The following G6PD variants were observed in gnomAD, a reference collection of about 807,000 sequenced individuals.
G6PD encodes glucose-6-phosphate dehydrogenase.
G6PD carries 2 observed loss-of-function variants against 38.2 expected under a neutral mutation model. That is an observed-to-expected ratio of 0.05 (90% CI 0.02 to 0.16). The LOEUF (loss-of-function observed/expected upper bound fraction) is 0.16, where lower values mean the gene tolerates loss of function less well. G6PD is among the 10% of genes least tolerant of loss of function. The pLI is 1.00. For missense variants in G6PD, 310 were observed against 471.6 expected (o/e 0.66, Z 3.17); for synonymous variants, 188 against 196.0 (o/e 0.96, Z 0.34).
rs1450931099 is a variant in G6PD, at chrX:154,531,868, CGGGCCAGGGTGGCCAGAGCCCG to C, written c.*110_*131del. 9.6e-6 allele frequency: 10 copies of C among 1,040,603 alleles called. No individual in the cohort carries two copies. The African/African-American group carries it at 1.9e-4, about 20-fold the overall frequency. The allele number at this position is 1,040,603 out of a possible 1,213,427, so 85.8% of individuals were successfully genotyped here. On this transcript the variant is annotated 3_prime_UTR_variant, in exon 13 of 13. Transcript: ENST00000393562. Reference sequence around the variant, plus strand: ...CTCGGGTAGTAGCAGCAGCGAGGGGCGGGCCAGGGTGGCCAGAGCCCGGGGCCAGGAATGTGCAGCTGAGGTC... The same window carrying C: ...CTCGGGTAGTAGCAGCAGCGAGGGGCGGGCCAGGAATGTGCAGCTGAGGTC...
intron 2 of G6PD, among the ~76,000 whole-genome samples, chrX:154,543,462 C>G (rs1416907688): frequency 8.9e-6 from 1 of 112,267 alleles, no homozygotes; most frequent in Non-Finnish European, 1.9e-5. Flanking sequence ...CCAACTCACA[C>G]AGCAAGCTTG....
At chrX:154,545,646 T>A (rs1206667315) in intron 2 of G6PD, 1 of 186,021 alleles carries the variant, frequency 5.4e-6, no homozygotes, top group Admixed American at 7.5e-5. Context: ...ACCAGCCTGG[T>A]CAACATGGTG....
chrX:154,545,184 A>G (rs1557232902), intron 2 of G6PD, among the ~76,000 whole-genome samples: 1 of 111,169 alleles, frequency 9.0e-6, no homozygotes, highest in Non-Finnish European at 1.9e-5. Flanking sequence ...TCCTCATGCT[A>G]TACTATTCTT....
intron 2 of G6PD, among the ~76,000 whole-genome samples, chrX:154,540,252 C>T (rs782735069): frequency 1.4e-3 from 154 of 108,832 alleles, no homozygotes; most frequent in African/African-American, 4.9e-3. Context: ...GGGTGGATCA[C>T]GAGGTCAGGA....
chrX:154,533,500 A>G, intron 8 of G6PD, 76 bp downstream of exon 8: 1 of 1,151,332 alleles, frequency 8.7e-7, no homozygotes, highest in South Asian at 1.9e-5. Flanking sequence ...CTCTGCATGC[A>G]CACCCCAGCT....
At chrX:154,547,345 T>C (rs924794304), upstream of G6PD, 219 of 754,135 alleles carry the variant, frequency 2.9e-4, no homozygotes, top group South Asian at 4.0e-4. Context: ...CAGTCTCTTC[T>C]TGATTCCTCC....
At chrX:154,544,061 C>T (rs981164590) in intron 2 of G6PD, among the ~76,000 whole-genome samples, 2 of 110,165 alleles carry the variant, frequency 1.8e-5, no homozygotes, top group African/African-American at 3.3e-5. Context: ...CGGGATTTCA[C>T]CATGTTAGCC....
chrX:154,540,653 A>AC (rs1209294150), intron 2 of G6PD, among the ~76,000 whole-genome samples: 3 of 108,117 alleles, frequency 2.8e-5, no homozygotes, highest in Middle Eastern at 4.7e-3. Context: ...AAAAAAAAAA[A>AC]AAACACATGC....
Position 154,531,745 on chromosome X carries a change from GGAGT to G in G6PD, c.*251_*254del, listed in dbSNP as rs2070337528. 1 of 437,001 alleles carries G rather than the reference GGAGT, an allele frequency of 2.3e-6. No individual in the cohort carries two copies. The highest frequency in any genetic ancestry group is 4.1e-5 in the Admixed American group (1 of 24,267). The allele number at this position is 437,001 out of a possible 1,213,427, so 36.0% of individuals were successfully genotyped here. A position where few individuals can be genotyped will look rare whatever the true frequency, so the allele number is the denominator to read the frequency against. ...CCCTCCTCCTTCCTTCTGTTGGGCT[GGAGT>G]GAGTGGAGGAGGTGACTCAGCTCCT... is the stretch of plus-strand genomic sequence containing the variant. On this transcript the variant is annotated 3_prime_UTR_variant, in exon 13 of 13. Coordinates refer to ENST00000393562, the MANE Select transcript of G6PD (RefSeq NM_001360016.2).
chrX:154,546,748 G>A (rs1379012913), intron 1 of G6PD, 41 bp downstream of exon 1: 3 of 1,072,590 alleles, frequency 2.8e-6, no homozygotes, highest in Non-Finnish European at 2.5e-6. Context: ...GCGCGGGACA[G>A]TACGCTCCTC....
chrX:154,534,959 C>CA, intron 5 of G6PD: 1 of 463,675 alleles, frequency 2.2e-6, no homozygotes, highest in Non-Finnish European at 3.8e-6. Context: ...GCAAGGCTGC[C>CA]ACCCTGCGGC....
rs1424729958 is a variant in G6PD, at chrX:154,546,259, G to A, written c.-8-96C>T. On this transcript the variant is annotated intron_variant, in intron 1 of 12. Transcript: ENST00000393562. The stretch of plus-strand genomic sequence containing the variant: ...GAGTTCCTCTGGGGTCTCACACCAG[G>A]GTGACACCTGATTGCCCAAATCACT... 9 of 1,074,565 alleles carry A rather than the reference G, an allele frequency of 8.4e-6. No homozygotes were observed. The East Asian group carries it at 1.8e-4, about 22-fold the overall frequency. The allele number at this position is 1,074,565 out of a possible 1,213,427, so 88.6% of individuals were successfully genotyped here. A position where few individuals can be genotyped will look rare whatever the true frequency, so the allele number is the denominator to read the frequency against.
chrX:154,536,434 G>A (rs782403022), intron 2 of G6PD, among the ~76,000 whole-genome samples: 2 of 112,192 alleles, frequency 1.8e-5, no homozygotes, highest in South Asian at 3.7e-4. Flanking sequence ...TAGAACCAAG[G>A]GACGACAGAA....
Position 154,532,925 on chromosome X carries a change from T to G in G6PD, c.1051+17A>C. On this transcript the variant is annotated intron_variant, in intron 9 of 12. Transcript: ENST00000393562. Reference sequence around the variant, plus strand: ...ATGCCCAGTTCTGCCTTGCTGGGCCTCGAAGGCATCACCTACCATCCCACC... The same window carrying G: ...ATGCCCAGTTCTGCCTTGCTGGGCCGCGAAGGCATCACCTACCATCCCACC... The G allele has an allele frequency of 8.3e-7, 1 of 1,211,494 alleles. No homozygotes were observed.
chrX:154,532,093 GGA>G lies in G6PD; in HGVS notation c.1458-5_1458-4del. The G allele has an allele frequency of 8.3e-7, 1 of 1,207,318 alleles. No homozygotes were observed. The highest frequency in any genetic ancestry group is 1.1e-6 in the Non-Finnish European group (1 of 893,632). On this transcript the variant is annotated splice_region_variant and splice_polypyrimidine_tract_variant and intron_variant, in intron 12 of 12. Coordinates refer to ENST00000393562, the MANE Select transcript of G6PD (RefSeq NM_001360016.2). ...CGTCTGCCTCCGTGGGGCCTCGGCT[GGA>G]GAGTGACGGGTGGAGGAGAGGCATG...
rs868973300 is a variant in G6PD at position 154,542,587 on chromosome X, G to A, written c.120+3449C>T. ...TGTGTGGGCAAGTGTGAGGTAAGCT[G>A]GCCAGGGAGGAGGAAGGGACAGAGG... On this transcript the variant is annotated intron_variant, in intron 2 of 12. Transcript: ENST00000393562. 3 of 851,789 alleles carry A rather than the reference G, an allele frequency of 3.5e-6. No individual in the cohort carries two copies. The East Asian group carries it at 1.2e-4, about 33-fold the overall frequency. The allele number at this position is 851,789 out of a possible 1,213,427, so 70.2% of individuals were successfully genotyped here. A position where few individuals can be genotyped will look rare whatever the true frequency, so the allele number is the denominator to read the frequency against.
intron 2 of G6PD, among the ~76,000 whole-genome samples, chrX:154,536,768 T>G (rs2070413051): frequency 9.0e-6 from 1 of 111,323 alleles, no homozygotes; most frequent in South Asian, 3.8e-4. Flanking sequence ...AGGCAGAGGT[T>G]GCAGTGAGCC....
intron 2 of G6PD, among the ~76,000 whole-genome samples, chrX:154,544,492 G>A (rs1250515116): frequency 4.5e-5 from 5 of 112,041 alleles, no homozygotes; most frequent in East Asian, 2.8e-4. Flanking sequence ...ACTGGGTTTC[G>A]CCATGTTGGC....
intron 8 of G6PD, 31 bp from the exon 9 acceptor site, chrX:154,533,159 C>T (rs2070362121): frequency 2.5e-6 from 3 of 1,196,054 alleles, no homozygotes; most frequent in Non-Finnish European, 3.4e-6. Context: ...AGAATGGGCT[C>T]CTTGGGTGTT....
Sources: allele counts gnomAD v4.1 joint callset (sites outside exome capture counted in the v4.1 genomes callset), GRCh38; gene constraint gnomAD v4.1.1; transcripts MANE v1.5; gene names NCBI Gene and HGNC (gene_info 2026-07-23, HGNC 2026-07-21).